Variants in STK39 observed in about 807,000 individuals in gnomAD.
STK39 encodes the protein serine/threonine kinase 39, also known as STE20/SPS1-related proline-alanine-rich protein kinase.
A neutral mutation model predicts 77.8 loss-of-function variants in STK39; 20 were observed. The observed-to-expected ratio is 0.26, with a 90% confidence interval of 0.18 to 0.37. The LOEUF is 0.37. STK39 is among the 10% of genes least tolerant of loss of function. STK39 has a pLI of 1.00. For synonymous variants in STK39, 246 were observed against 234.1 expected (o/e 1.05, Z -0.47); for missense variants, 479 against 656.5 (o/e 0.73, Z 2.95).
chr2:167,983,499 AG>A (rs1683483843), intron 16 of STK39, among the ~76,000 whole-genome samples: 1 of 149,078 alleles, frequency 6.7e-6, no homozygotes, highest in Non-Finnish European at 1.5e-5. Context: ...GAAGGAAGGA[AG>A]GAAGGAAGGA....
At chr2:168,136,304 G>C (rs1687837016) in intron 8 of STK39, among the ~76,000 whole-genome samples, 1 of 151,246 alleles carries the variant, frequency 6.6e-6, no homozygotes, top group South Asian at 2.1e-4. Flanking sequence ...GGGAGGTAGA[G>C]GTTGCAGTGA....
intron 14 of STK39, among the ~76,000 whole-genome samples, chr2:168,018,034 T>C (rs1240377573): frequency 6.6e-6 from 1 of 152,118 alleles, no homozygotes; most frequent in African/African-American, 2.4e-5. Flanking sequence ...ACTGGGGAGA[T>C]ATTAAATACA....
chr2:168,016,596 G>A (rs1684416425), intron 15 of STK39, among the ~76,000 whole-genome samples: 1 of 152,102 alleles, frequency 6.6e-6, no homozygotes, highest in African/African-American at 2.4e-5. Flanking sequence ...GTACTTCAGA[G>A]TTTTCAAAAT....
At position 168,054,734 on chromosome 2, in the gene STK39, G is replaced by A. The variant is rs369634058; in HGVS notation, c.1376+8766C>T. On this transcript the variant is annotated intron_variant, in intron 14 of 17. Transcript: ENST00000355999. ...ACAGCATGACACTGACCCTGGATTC[G>A]TCCTATCCATTACTCTTCTCAAAAT... is the stretch of plus-strand genomic sequence containing the variant. 4.0e-5 allele frequency among the ~76,000 whole-genome samples: 6 copies of A among 150,900 alleles called. No individual in the cohort carries two copies. In the South Asian group the frequency reaches 6.3e-4, roughly 16 times the overall value.
intron 14 of STK39, among the ~76,000 whole-genome samples, chr2:168,018,922 A>G (rs1208616685): frequency 6.6e-6 from 1 of 152,176 alleles, no homozygotes; most frequent in African/African-American, 2.4e-5. Context: ...CCTTTTCCTC[A>G]GTGTCTAGAA....
intron 1 of STK39, among the ~76,000 whole-genome samples, chr2:168,221,619 C>T (rs988908479): frequency 1.3e-5 from 2 of 152,124 alleles, no homozygotes; most frequent in African/African-American, 4.8e-5. Context: ...TGATGAAAGA[C>T]AGGAGGACTT....
chr2:168,101,105 G>C (rs186725643), intron 10 of STK39, among the ~76,000 whole-genome samples: 216 of 152,224 alleles, frequency 1.4e-3, no homozygotes, highest in Middle Eastern at 0.01. Context: ...ACTAACACAG[G>C]AACAGAAAAC....
intron 1 of STK39, among the ~76,000 whole-genome samples, chr2:168,215,961 C>A (rs1396265388): frequency 6.6e-6 from 1 of 152,170 alleles, no homozygotes; most frequent in Non-Finnish European, 1.5e-5. Context: ...GATGCTCTAG[C>A]ATCTCTAAGG....
intron 1 of STK39, among the ~76,000 whole-genome samples, chr2:168,196,569 T>C (rs1180896342): frequency 6.6e-6 from 1 of 152,178 alleles, no homozygotes; most frequent in Admixed American, 6.5e-5. Context: ...GGCAGAAGAA[T>C]TGCTTGAACC....
chr2:167,977,584 A>C (rs943654489), intron 16 of STK39, among the ~76,000 whole-genome samples: 45 of 152,120 alleles, frequency 3.0e-4, no homozygotes, highest in African/African-American at 1.0e-3. Flanking sequence ...AAAAAAAAAA[A>C]AAAAACAAAG....
rs1270733812 is a variant in STK39, at chr2:168,147,591, T to C, written c.629-6833A>G. Among the ~76,000 whole-genome samples, 13 of 152,090 alleles carry C rather than the reference T, an allele frequency of 8.5e-5. No individual in the cohort carries two copies. The East Asian group carries it at 2.5e-3, about 29-fold the overall frequency. Reference sequence around the variant, plus strand: ...AGCACCTACTTATGCCCGGTACACATGGGTGTGCACAATTGTGTACATGCA... The same window carrying C: ...AGCACCTACTTATGCCCGGTACACACGGGTGTGCACAATTGTGTACATGCA... On this transcript the variant is annotated intron_variant, in intron 5 of 17. Coordinates refer to ENST00000355999, the MANE Select transcript of STK39 (RefSeq NM_013233.3).
intron 14 of STK39, among the ~76,000 whole-genome samples, chr2:168,048,999 C>T (rs939796606): frequency 3.3e-5 from 5 of 152,234 alleles, no homozygotes; most frequent in African/African-American, 1.2e-4. Context: ...TTTTCATCAC[C>T]GTTTGCAAAA....
intron 14 of STK39, among the ~76,000 whole-genome samples, chr2:168,033,274 C>T (rs1361219895): frequency 6.6e-6 from 1 of 151,950 alleles, no homozygotes; most frequent in East Asian, 1.9e-4. Flanking sequence ...AGTTTCTGGG[C>T]TGAGAGCATT....
At chr2:167,989,499 G>A (rs4667990) in intron 16 of STK39, among the ~76,000 whole-genome samples, 3 of 151,850 alleles carry the variant, frequency 2.0e-5, no homozygotes, top group Non-Finnish European at 2.9e-5. Context: ...ATTTTAAATA[G>A]TCAACCAATG....
chr2:168,245,926 A>G (rs1024177417), intron 1 of STK39, among the ~76,000 whole-genome samples: 10 of 152,082 alleles, frequency 6.6e-5, no homozygotes, highest in Admixed American at 1.3e-4. Context: ...TAGGTTACGG[A>G]CCTGCCCAAC....
intron 1 of STK39, 27 bp downstream of exon 1, chr2:168,247,201 C>G (rs1466923612): frequency 1.2e-5 from 14 of 1,185,370 alleles, no homozygotes; most frequent in Non-Finnish European, 1.5e-5. Flanking sequence ...CGGCCTGTGC[C>G]GGCCCCGCCG....
intron 14 of STK39, among the ~76,000 whole-genome samples, chr2:168,037,863 T>C (rs1156975563): frequency 6.6e-6 from 1 of 152,170 alleles, no homozygotes; most frequent in African/African-American, 2.4e-5. Flanking sequence ...GATGAACATA[T>C]ATTACCTTCA....
intron 16 of STK39, among the ~76,000 whole-genome samples, chr2:167,966,849 T>C (rs944279682): frequency 6.6e-6 from 1 of 152,204 alleles, no homozygotes; most frequent in Non-Finnish European, 1.5e-5. Context: ...TTATTTTCAA[T>C]TTGGTTGATT....
intron 5 of STK39, among the ~76,000 whole-genome samples, chr2:168,149,450 C>T (rs1688224825): frequency 1.3e-5 from 2 of 152,200 alleles, no homozygotes. Flanking sequence ...ATCTCTAGGT[C>T]CCCTGCACCA....
Sources: allele counts gnomAD v4.1 joint callset (sites outside exome capture counted in the v4.1 genomes callset), GRCh38; gene constraint gnomAD v4.1.1; transcripts MANE v1.5; gene names NCBI Gene and HGNC (gene_info 2026-07-23, HGNC 2026-07-21).